The following SUGCT variants were observed in gnomAD, a reference collection of about 807,000 sequenced individuals.
SUGCT encodes succinyl-CoA:glutarate CoA-transferase.
In SUGCT, 41 loss-of-function variants were observed where a neutral mutation model predicts 55.0. The observed-to-expected ratio is 0.74, with a 90% CI of 0.58 to 0.97. The LOEUF is 0.97. SUGCT is among the 50% of genes least tolerant of loss of function. The pLI, the probability that SUGCT is intolerant of heterozygous loss-of-function variation, is 0.00. For synonymous variants in SUGCT, 187 were observed against 200.4 expected (o/e 0.93, Z 0.56); for missense variants, 568 against 547.8 (o/e 1.04, Z -0.37).
chr7:40,477,802 C>T (rs918094634), intron 11 of SUGCT, among the ~76,000 whole-genome samples: 3 of 152,124 alleles, frequency 2.0e-5, no homozygotes, highest in African/African-American at 7.2e-5. Context: ...CTTGTATATT[C>T]TGGCGTGTTG....
intron 12 of SUGCT, among the ~76,000 whole-genome samples, chr7:40,629,841 A>G (rs1183281482): frequency 1.3e-5 from 2 of 152,214 alleles, no homozygotes; most frequent in East Asian, 3.8e-4. Context: ...GATAATGTTC[A>G]TGACTCTTGA....
chr7:40,562,450 C>T (rs921480956), intron 12 of SUGCT, among the ~76,000 whole-genome samples: 3 of 152,002 alleles, frequency 2.0e-5, no homozygotes, highest in Non-Finnish European at 2.9e-5. Flanking sequence ...CAGTGGGGTT[C>T]GAGACAGGCC....
chr7:40,271,854 C>T (rs1792041254), intron 7 of SUGCT, among the ~76,000 whole-genome samples: 1 of 151,916 alleles, frequency 6.6e-6, no homozygotes, highest in Non-Finnish European at 1.5e-5. Context: ...TTCCCAGCCT[C>T]TGGTAACCAG....
rs377244617 is a variant in SUGCT, at chr7:40,341,107, T to G, written c.816+24252T>G. ...TATTGCACTCACTCTTCAGTATTAGTGAATTCTTGTTTACATTCTAATGAA... is the reference window on the plus strand; with the variant it reads ...TATTGCACTCACTCTTCAGTATTAGGGAATTCTTGTTTACATTCTAATGAA... On this transcript the variant is annotated intron_variant, in intron 9 of 13. Coordinates refer to ENST00000335693, the MANE Select transcript of SUGCT (RefSeq NM_001193313.2). 3.3e-5 allele frequency among the ~76,000 whole-genome samples: 5 copies of G among 152,334 alleles called. No homozygotes were observed. The East Asian group carries it at 9.6e-4, about 29-fold the overall frequency.
At chr7:40,636,588 T>TA (rs1198062947) in intron 12 of SUGCT, among the ~76,000 whole-genome samples, 3 of 152,142 alleles carry the variant, frequency 2.0e-5, no homozygotes, top group Admixed American at 2.0e-4. Context: ...AGCAAATTCT[T>TA]AAAGACAGTA....
intron 9 of SUGCT, among the ~76,000 whole-genome samples, chr7:40,365,819 C>G (rs141175894): frequency 1.1e-3 from 165 of 152,232 alleles, no homozygotes; most frequent in African/African-American, 3.6e-3. Flanking sequence ...AATCAATATC[C>G]TGAAAATGGC....
intron 12 of SUGCT, among the ~76,000 whole-genome samples, chr7:40,565,176 A>G (rs1246591735): frequency 1.3e-5 from 2 of 152,176 alleles, no homozygotes; most frequent in Non-Finnish European, 2.9e-5. Flanking sequence ...GCGTTCTCTC[A>G]ATTTTTTACC....
the SUGCT span, among the ~76,000 whole-genome samples, chr7:40,897,503 G>A: frequency 6.6e-6 from 1 of 151,758 alleles, no homozygotes; most frequent in African/African-American, 2.4e-5. Flanking sequence ...ACGTGAGGAA[G>A]CCACAGAAGG....
intron 9 of SUGCT, among the ~76,000 whole-genome samples, chr7:40,356,117 A>G (rs1036400424): frequency 1.3e-5 from 2 of 152,236 alleles, no homozygotes; most frequent in African/African-American, 4.8e-5. Flanking sequence ...CAGAAAATAT[A>G]TCTGCTCCAG....
chr7:40,356,737 T>A (rs1163949812), intron 9 of SUGCT, among the ~76,000 whole-genome samples: 3 of 152,214 alleles, frequency 2.0e-5, no homozygotes, highest in Non-Finnish European at 4.4e-5. Flanking sequence ...GTTTTCTTAG[T>A]TTCTTTGAAA....
chr7:40,500,207 A>G (rs1483313578), intron 12 of SUGCT, among the ~76,000 whole-genome samples: 3 of 152,164 alleles, frequency 2.0e-5, no homozygotes, highest in African/African-American at 7.2e-5. Flanking sequence ...TTTGTCATGG[A>G]TGCCATGACC....
chr7:40,338,117 C>T (rs1007827410), intron 9 of SUGCT, among the ~76,000 whole-genome samples: 4 of 152,140 alleles, frequency 2.6e-5, no homozygotes, highest in South Asian at 2.1e-4. Flanking sequence ...CCAATAGATC[C>T]GCTGTTAGTC....
the SUGCT span, among the ~76,000 whole-genome samples, chr7:40,926,162 G>A: frequency 6.6e-6 from 1 of 151,870 alleles, no homozygotes; most frequent in African/African-American, 2.4e-5. Flanking sequence ...CTGATGCTGA[G>A]TAAATACTAC....
At chr7:40,367,544 A>C (rs1038970055) in intron 9 of SUGCT, among the ~76,000 whole-genome samples, 3 of 152,122 alleles carry the variant, frequency 2.0e-5, no homozygotes, top group African/African-American at 7.2e-5. Context: ...AAAAACACTT[A>C]ATTTTTTTTT....
chr7:40,612,075 C>G (rs1359538856), intron 12 of SUGCT, among the ~76,000 whole-genome samples: 1 of 151,332 alleles, frequency 6.6e-6, no homozygotes, highest in African/African-American at 2.4e-5. Context: ...TAATGATCCT[C>G]ATAATGTGTT....
chr7:40,195,020 A>G lies in SUGCT; in HGVS notation c.444A>G (p.Ile148Met), dbSNP rs368517064. Reference protein sequence around the residue: ...LSAMGLGYEDIDEIAPHIIYC... With the variant: ...LSAMGLGYEDMDEIAPHIIYC... ...CAATGGGCCTGGGATATGAAGATAT[A>G]GACGAGATTGCTCCTCACATCATCT... is the stretch of plus-strand genomic sequence containing the variant. Residue 148 changes from isoleucine (I) to methionine (M), a missense_variant, in exon 6 of 14, where the codon ATA becomes ATG. By Grantham distance (10) the Ile-to-Met change is conservative (BLOSUM62 1). Transcript: ENST00000335693. 4.6e-5 allele frequency: 75 copies of G among 1,613,788 alleles called. No homozygotes were observed. Among genetic ancestry groups the G allele is most frequent in the Non-Finnish European group, 6.0e-5 (71 of 1,179,826 alleles).
At chr7:40,674,484 A>G (rs1340891187) in intron 12 of SUGCT, among the ~76,000 whole-genome samples, 1 of 152,250 alleles carries the variant, frequency 6.6e-6, no homozygotes, top group Non-Finnish European at 1.5e-5. Context: ...AACAGTTATG[A>G]AAACCAAAGA....
At chr7:40,769,148 A>G (rs1788959150) in intron 13 of SUGCT, among the ~76,000 whole-genome samples, 1 of 152,226 alleles carries the variant, frequency 6.6e-6, no homozygotes. Flanking sequence ...GGAATCGAAC[A>G]TAGCAGTAAT....
chr7:40,867,708 C>A, the SUGCT span, among the ~76,000 whole-genome samples: 2 of 152,120 alleles, frequency 1.3e-5, no homozygotes, highest in Non-Finnish European at 2.9e-5. Flanking sequence ...GGAGCAGAAG[C>A]AAGAAAGAAG....
Sources: allele counts gnomAD v4.1 joint callset (sites outside exome capture counted in the v4.1 genomes callset), GRCh38; gene constraint gnomAD v4.1.1; transcripts MANE v1.5; gene names NCBI Gene and HGNC (gene_info 2026-07-23, HGNC 2026-07-21).